PLEKHA5: variants seen among roughly 807,000 people sequenced by gnomAD.
PLEKHA5 encodes the protein pleckstrin homology domain-containing family A member 5.
Under a neutral mutation model 181.9 loss-of-function variants are expected in PLEKHA5, and 55 were observed. That is an observed-to-expected ratio of 0.30 (90% CI 0.24 to 0.38). The LOEUF is 0.38. PLEKHA5 is among the 10% of genes least tolerant of loss of function. The probability of loss-of-function intolerance (pLI) is 1.00; values close to 1 mark genes in which losing one functional copy is unlikely to be tolerated. For synonymous variants in PLEKHA5, 535 were observed against 529.4 expected, an observed-to-expected ratio of 1.01 and a Z score of -0.15; for missense variants, 1,432 against 1,549.5, an observed-to-expected ratio of 0.92 and a Z score of 1.27.
intron 5 of PLEKHA5, among the ~76,000 whole-genome samples, chr12:19,257,230 C>G (rs1434249092): frequency 6.6e-6 from 1 of 152,032 alleles, no homozygotes; most frequent in African/African-American, 2.4e-5. Flanking sequence ...TTGTGATACC[C>G]TGGGGGAAAA....
chr12:19,317,514 T>C (rs1459078411), intron 16 of PLEKHA5, among the ~76,000 whole-genome samples: 2 of 152,142 alleles, frequency 1.3e-5, no homozygotes, highest in African/African-American at 2.4e-5. Context: ...TATAGTCCTA[T>C]GAGCATTTTT....
chr12:19,161,423 T>C (rs2042938871), intron 3 of PLEKHA5, among the ~76,000 whole-genome samples: 1 of 152,294 alleles, frequency 6.6e-6, no homozygotes, highest in South Asian at 2.1e-4. Flanking sequence ...ATCTAACTTA[T>C]AAGAAAACCC....
At chr12:19,149,144 A>C (rs2151268964) in intron 3 of PLEKHA5, among the ~76,000 whole-genome samples, 1 of 152,304 alleles carries the variant, frequency 6.6e-6, no homozygotes, top group East Asian at 1.9e-4. Flanking sequence ...AATGGAGACA[A>C]TTAATATATT....
intron 3 of PLEKHA5, among the ~76,000 whole-genome samples, chr12:19,174,428 TTATAA>T (rs1338485031): frequency 5.9e-5 from 9 of 152,334 alleles, no homozygotes; most frequent in Non-Finnish European, 1.2e-4. Flanking sequence ...GCTAATCTTG[TTATAA>T]TATGATTTGA....
At chr12:19,131,795 TG>T in intron 2 of PLEKHA5, among the ~76,000 whole-genome samples, 1 of 152,290 alleles carries the variant, frequency 6.6e-6, no homozygotes, top group East Asian at 1.9e-4. Flanking sequence ...AATAATAATA[TG>T]TAGCACATAA....
chr12:19,206,782 C>T (rs1001147928), intron 3 of PLEKHA5, among the ~76,000 whole-genome samples: 1 of 152,092 alleles, frequency 6.6e-6, no homozygotes, highest in African/African-American at 2.4e-5. Flanking sequence ...GAGATGAGGA[C>T]TGGGTGACAG....
chr12:19,146,761 TG>T (rs2039031863), intron 3 of PLEKHA5, among the ~76,000 whole-genome samples: 1 of 152,228 alleles, frequency 6.6e-6, no homozygotes, highest in Admixed American at 6.5e-5. Flanking sequence ...CTCTGTTTTG[TG>T]ACCACAGTGT....
intron 21 of PLEKHA5, among the ~76,000 whole-genome samples, chr12:19,338,874 G>C: frequency 6.8e-6 from 1 of 146,700 alleles, no homozygotes; most frequent in East Asian, 2.1e-4. Context: ...ATGGGCAAAA[G>C]TCCATCTCAA....
intron 15 of PLEKHA5, among the ~76,000 whole-genome samples, chr12:19,294,982 A>T (rs2079387873): frequency 6.6e-6 from 1 of 152,212 alleles, no homozygotes; most frequent in South Asian, 2.1e-4. Flanking sequence ...TTCATCATTA[A>T]GTACACTATT....
At chr12:19,306,027 C>G (rs982882531) in intron 15 of PLEKHA5, among the ~76,000 whole-genome samples, 3 of 151,956 alleles carry the variant, frequency 2.0e-5, no homozygotes, top group African/African-American at 7.3e-5. Context: ...TTGCAGTGAG[C>G]TGAGATCGCC....
chr12:19,360,665 A>C (rs1412182242), intron 28 of PLEKHA5, among the ~76,000 whole-genome samples: 1 of 152,146 alleles, frequency 6.6e-6, no homozygotes, highest in African/African-American at 2.4e-5. Context: ...ATTAACTGAA[A>C]ATTTAAAACA....
intron 26 of PLEKHA5, among the ~76,000 whole-genome samples, chr12:19,356,669 T>TC (rs2094945299): frequency 7.1e-6 from 1 of 140,814 alleles, no homozygotes; most frequent in Non-Finnish European, 1.5e-5. Flanking sequence ...TTTCTTTTTT[T>TC]TTTTTTTTTT....
rs549684262 is a variant in PLEKHA5, at chr12:19,134,418, T to C, written c.227+1968T>C. 2.6e-5 allele frequency among the ~76,000 whole-genome samples: 4 copies of C among 152,194 alleles called. No individual in the cohort carries two copies. In the East Asian group the frequency reaches 7.7e-4, roughly 29 times the overall value. On this transcript the variant is annotated intron_variant, in intron 3 of 31. Transcript: ENST00000429027. ...TCCAAAAGTAGCAATAAATAACTTA[T>C]AATATTATGGAAGTAATTTCTCCTA...
intron 3 of PLEKHA5, chr12:19,205,510 ATTTAC>A: frequency 3.6e-6 from 1 of 274,446 alleles, no homozygotes; most frequent in Non-Finnish European, 5.5e-6. Flanking sequence ...TAGTCTATGT[ATTTAC>A]TTATATCTGC....
At chr12:19,319,857 A>G (rs1360124284) in intron 16 of PLEKHA5, 164 bp from the exon 17 acceptor site, 3 of 476,956 alleles carry the variant, frequency 6.3e-6, no homozygotes, top group African/African-American at 6.1e-5. Context: ...TACACTGAAT[A>G]ATTCCTTACA....
chr12:19,130,184 C>T lies in PLEKHA5; in HGVS notation c.169+54C>T. On this transcript the variant is annotated intron_variant, in intron 2 of 31. Transcript: ENST00000429027. This position sits in a 1 kb window ranked among gnomAD's most constrained non-coding sequence, Gnocchi z 4.5. ...TCCGCCTGGAGGAGGCGGCAGAGCC[C>T]GGGCCGCCCGGCTCCCCGCAACCTG... is the stretch of plus-strand genomic sequence containing the variant. 1.6e-6 allele frequency: 2 copies of T among 1,216,006 alleles called. No homozygotes were observed. Among genetic ancestry groups the T allele is most frequent in the Non-Finnish European group, 2.2e-6 (2 of 889,642 alleles). The allele number at this position is 1,216,006 out of a possible 1,614,324, so 75.3% of individuals were successfully genotyped here.
intron 3 of PLEKHA5, among the ~76,000 whole-genome samples, chr12:19,180,116 A>G (rs1419994631): frequency 6.6e-6 from 1 of 152,214 alleles, no homozygotes; most frequent in African/African-American, 2.4e-5. Context: ...ATCAAGGTGC[A>G]GTATGCTGGT....
At chr12:19,183,687 C>T (rs1250432539) in intron 3 of PLEKHA5, among the ~76,000 whole-genome samples, 2 of 152,040 alleles carry the variant, frequency 1.3e-5, no homozygotes, top group Non-Finnish European at 2.9e-5. Context: ...TTGCTTGATA[C>T]TTACAAGGGA....
At chr12:19,300,101 T>C (rs562558269) in intron 15 of PLEKHA5, among the ~76,000 whole-genome samples, 1 of 152,328 alleles carries the variant, frequency 6.6e-6, no homozygotes, top group African/African-American at 2.4e-5. Context: ...ACATCCCACT[T>C]GTTTCACATA....
Sources: gnomAD v4.1 joint callset for allele counts (sites outside exome capture counted in the v4.1 genomes callset) on GRCh38, gnomAD v4.1.1 for gene constraint, Gnocchi (gnomAD v3.1) non-coding constraint, MANE v1.5 for transcripts, NCBI Gene and HGNC (gene_info 2026-07-23, HGNC 2026-07-21) for gene names.